PIK3R3: variants seen among roughly 807,000 people sequenced by gnomAD.
PIK3R3 encodes phosphoinositide-3-kinase regulatory subunit 3.
PIK3R3 carries 64 observed loss-of-function variants against 62.9 expected under a neutral mutation model. The ratio of observed to expected loss-of-function variants is 1.02; its 90% confidence interval spans 0.83 to 1.25. The LOEUF (loss-of-function observed/expected upper bound fraction) is 1.25, where lower values mean the gene tolerates loss of function less well. Among genes scored for constraint, PIK3R3 ranks in the 50% most tolerant of loss-of-function variants. The pLI is 0.00. For missense variants in PIK3R3, 614 were observed against 561.6 expected (o/e 1.09, Z -0.94); for synonymous variants, 165 against 189.0 (o/e 0.87, Z 1.04).
Position 46,067,087 on chromosome 1 carries a change from C to T in PIK3R3, c.319G>A (p.Gly107Arg). The T allele has an allele frequency of 6.4e-7, 1 of 1,554,356 alleles. No individual in the cohort carries two copies. Among genetic ancestry groups the T allele is most frequent in the Non-Finnish European group, 8.7e-7 (1 of 1,153,004 alleles). ...ATCTTTATTAACTTATTATTGCCTC[C>T]CTTCCTGTGAACAACAAGACAACAA... ...QGDYTLTLRK[G>R]GNNKLIKIYH... is the part of the protein sequence containing the mutation. The change falls in exon 4 of 10, where the codon GGA becomes AGA. Residue 107 changes from glycine (G) to arginine (R), a missense_variant. Gly to Arg is a moderately radical substitution (Grantham distance 125, BLOSUM62 -2). Coordinates refer to ENST00000262741, the MANE Select transcript of PIK3R3 (RefSeq NM_003629.4).
At chr1:46,125,055 T>C (rs1038655627) in intron 1 of PIK3R3, among the ~76,000 whole-genome samples, 2 of 152,102 alleles carry the variant, frequency 1.3e-5, no homozygotes, top group Non-Finnish European at 2.9e-5. Flanking sequence ...GCAGAAATCA[T>C]GCCACTGTAC....
At chr1:46,142,719 G>GA in the PIK3R3 span, among the ~76,000 whole-genome samples, 1,367 of 150,636 alleles carry the variant, frequency 9.1e-3, 8 homozygotes, top group African/African-American at 0.017. Context: ...AAAAAGAAAA[G>GA]AAAAAAAAAG....
chr1:46,161,191 C>A, the PIK3R3 span, among the ~76,000 whole-genome samples: 1 of 151,972 alleles, frequency 6.6e-6, no homozygotes, highest in African/African-American at 2.4e-5. Context: ...AACTCCTGGG[C>A]TCAAATGATC....
At chr1:46,136,792 G>T (rs1655950381), upstream of PIK3R3, among the ~76,000 whole-genome samples, 1 of 152,152 alleles carries the variant, frequency 6.6e-6, no homozygotes, top group Non-Finnish European at 1.5e-5. Context: ...CCTCACTTTT[G>T]ATGTCTGCCC....
chr1:46,132,610 A>AG lies in PIK3R3; in HGVS notation c.-659_-658insC, dbSNP rs1655723339. 7.8e-7 allele frequency: 1 copy of AG among 1,289,378 alleles called. No individual in the cohort carries two copies. 79.9% of individuals were successfully genotyped at this position (1,289,378 alleles called of 1,614,324 possible). ...TGTAAGAACCAACCCGACCGCACCAACTGCCCTCAAGCTCTGCCCGGACTC... is the reference window on the plus strand; with the variant it reads ...TGTAAGAACCAACCCGACCGCACCAAGCTGCCCTCAAGCTCTGCCCGGACTC... On this transcript the variant is annotated 5_prime_UTR_variant, in exon 1 of 10. Transcript: ENST00000262741.
chr1:46,117,937 G>A (rs925726491), intron 1 of PIK3R3, among the ~76,000 whole-genome samples: 1 of 151,882 alleles, frequency 6.6e-6, no homozygotes, highest in Non-Finnish European at 1.5e-5. Context: ...AGCCAGGTGT[G>A]GTAGTGCACG....
chr1:46,046,559 A>T lies in PIK3R3; in HGVS notation c.1008T>A (p.Asp336Glu). Reference protein sequence around the residue: ...LNVWLGIKNEDADENYFINEE... With the variant: ...LNVWLGIKNEEADENYFINEE... Reference sequence around the variant, plus strand: ...GTATAGAGAGAACTTACTCATCAGCATCCTCATTCTTAATTCCCAGCCAGA... The same window carrying T: ...GTATAGAGAGAACTTACTCATCAGCTTCCTCATTCTTAATTCCCAGCCAGA... The change falls in exon 8 of 10, where the codon GAT becomes GAA. Residue 336 changes from aspartate to glutamate, a missense_variant. Physicochemically the swap from Asp to Glu is conservative, Grantham distance 45. Coordinates refer to ENST00000262741, the MANE Select transcript of PIK3R3 (RefSeq NM_003629.4). The T allele has an allele frequency of 6.2e-7, 1 of 1,609,384 alleles. No individual in the cohort carries two copies. The highest frequency in any genetic ancestry group is 8.5e-7 in the Non-Finnish European group (1 of 1,175,656).
At chr1:46,072,343 CAA>C (rs1649615163) in intron 3 of PIK3R3, among the ~76,000 whole-genome samples, 1 of 152,216 alleles carries the variant, frequency 6.6e-6, no homozygotes, top group Admixed American at 6.5e-5. Context: ...TTCTGCCTTG[CAA>C]AAATCTATCA....
At position 46,132,586 on chromosome 1, in the gene PIK3R3, G is replaced by T; in HGVS notation, c.-634C>A. The T allele has an allele frequency of 7.8e-7, 1 of 1,288,582 alleles. No individual in the cohort carries two copies. Among genetic ancestry groups the T allele is most frequent in the Non-Finnish European group, 1.0e-6 (1 of 988,276 alleles). The allele number at this position is 1,288,582 out of a possible 1,614,324, so 79.8% of individuals were successfully genotyped here. A position where few individuals can be genotyped will look rare whatever the true frequency, so the allele number is the denominator to read the frequency against. On this transcript the variant is annotated 5_prime_UTR_variant, in exon 1 of 10. Coordinates refer to ENST00000262741, the MANE Select transcript of PIK3R3 (RefSeq NM_003629.4). ...CTTGTCTGGGCGCTCCCGCCGGGGT[G>T]TAAGAACCAACCCGACCGCACCAAC...
At chr1:46,104,957 C>G (rs187823477) in intron 1 of PIK3R3, 17 of 517,858 alleles carry the variant, frequency 3.3e-5, no homozygotes, top group African/African-American at 2.1e-4. Context: ...AAAACACACA[C>G]TAAGTCATCT....
At chr1:46,160,454 C>T in the PIK3R3 span, among the ~76,000 whole-genome samples, 1 of 152,210 alleles carries the variant, frequency 6.6e-6, no homozygotes, top group East Asian at 1.9e-4. Context: ...AGAAACCTAG[C>T]TCAAACTGTC....
chr1:46,045,248 G>A (rs1647078806), intron 9 of PIK3R3, among the ~76,000 whole-genome samples: 1 of 152,160 alleles, frequency 6.6e-6, no homozygotes. Context: ...AGTAGAGCCA[G>A]GAGCTGAACC....
chr1:46,126,399 A>G (rs904027733), intron 1 of PIK3R3, among the ~76,000 whole-genome samples: 2 of 151,956 alleles, frequency 1.3e-5, no homozygotes, highest in Non-Finnish European at 2.9e-5. Flanking sequence ...TTAGCCAGGC[A>G]TGGTGGTAGG....
At chr1:46,111,736 T>TG (rs56078210) in intron 1 of PIK3R3, among the ~76,000 whole-genome samples, 3 of 151,018 alleles carry the variant, frequency 2.0e-5, no homozygotes, top group Middle Eastern at 3.4e-3. Context: ...AAAAAAAGGG[T>TG]GGGGGGGCAT....
At chr1:46,133,279 C>CG (rs926305898), upstream of PIK3R3, among the ~76,000 whole-genome samples, 3 of 152,346 alleles carry the variant, frequency 2.0e-5, no homozygotes, top group East Asian at 5.8e-4. Flanking sequence ...GGCGAGCGCT[C>CG]GGGGGCTCAA....
At chr1:46,062,990 C>T (rs1648654693) in intron 5 of PIK3R3, among the ~76,000 whole-genome samples, 1 of 152,162 alleles carries the variant, frequency 6.6e-6, no homozygotes, top group African/African-American at 2.4e-5. Context: ...ACTGAGAATC[C>T]ACTATACAGA....
the PIK3R3 span, among the ~76,000 whole-genome samples, chr1:46,155,306 G>A: frequency 6.6e-6 from 1 of 151,198 alleles, no homozygotes; most frequent in South Asian, 2.1e-4. Context: ...CTAGATGACA[G>A]AGGAGACCCT....
rs921576516 is a variant in PIK3R3, at chr1:46,099,576, C to T, written c.107-18826G>A. Among the ~76,000 whole-genome samples the T allele has an allele frequency of 2.0e-5, 3 of 152,150 alleles. No individual in the cohort carries two copies. The South Asian group carries it at 6.2e-4, about 31-fold the overall frequency. Reference sequence around the variant, plus strand: ...ATCTTTAGATTAATTTATGTTGATACAAGTAGGTATTTTTATTTTCTCACC... The same window carrying T: ...ATCTTTAGATTAATTTATGTTGATATAAGTAGGTATTTTTATTTTCTCACC... On this transcript the variant is annotated intron_variant, in intron 1 of 9. Coordinates refer to ENST00000262741, the MANE Select transcript of PIK3R3 (RefSeq NM_003629.4).
intron 6 of PIK3R3, chr1:46,057,338 T>G (rs1323619801): frequency 6.6e-6 from 1 of 152,286 alleles, no homozygotes. Flanking sequence ...GGGTATTTCC[T>G]TATCAGCAGC....
Sources: allele counts gnomAD v4.1 joint callset (sites outside exome capture counted in the v4.1 genomes callset), GRCh38; gene constraint gnomAD v4.1.1; transcripts MANE v1.5; gene names NCBI Gene and HGNC (gene_info 2026-07-23, HGNC 2026-07-21).